STARD9: variants seen among roughly 807,000 people sequenced by gnomAD.
STARD9 encodes StAR related lipid transfer domain containing 9, also known as stAR-related lipid transfer protein 9.
In STARD9, 346 loss-of-function variants were observed where a neutral mutation model predicts 399.8. That is an observed-to-expected ratio of 0.87 (90% CI 0.79 to 0.95). The LOEUF is 0.95. Ranked by LOEUF, STARD9 falls within the 40% of genes least tolerant of loss-of-function variation. The pLI is 0.00. For missense variants in STARD9, 5,832 were observed against 5,667.5 expected (o/e 1.03, Z -0.93); for synonymous variants, 2,203 against 2,143.5 (o/e 1.03, Z -0.77).
rs1420239152 is a variant in STARD9 at position 42,583,320 on chromosome 15, C to G, written c.48-26C>G. 2.6e-6 allele frequency: 4 copies of G among 1,514,940 alleles called. No individual in the cohort carries two copies. The East Asian group carries it at 9.8e-5, about 37-fold the overall frequency. The allele number at this position is 1,514,940 out of a possible 1,614,324, so 93.8% of individuals were successfully genotyped here. ...TTTCTTGATTTTAAAAACAACATTT[C>G]TTCTGAGCTTGGGTCTTGTTTCTAG... On this transcript the variant is annotated intron_variant, in intron 1 of 32. Coordinates refer to ENST00000290607, the MANE Select transcript of STARD9 (RefSeq NM_020759.3).
intron 7 of STARD9, among the ~76,000 whole-genome samples, chr15:42,643,969 C>T (rs1438773032): frequency 6.6e-6 from 1 of 151,922 alleles, no homozygotes; most frequent in Non-Finnish European, 1.5e-5. Flanking sequence ...TTATAGGTAT[C>T]TAGTTTAATA....
Position 42,689,660 on chromosome 15 carries a change from T to A in STARD9, c.8082T>A (p.Cys2694Ter), listed in dbSNP as rs1239221751. Residue 2694 changes from cysteine (C) to a stop codon, truncating the protein, a stop_gained, in exon 23 of 33, where the codon TGT becomes TGA. Transcript: ENST00000290607. LOFTEE classifies it high-confidence loss of function. ...QFAGASEPFI[C>*]HSSSSEIIEK... The stretch of plus-strand genomic sequence containing the variant: ...CGGGAGCAAGTGAACCATTTATATG[T>A]CACTCTAGTTCTTCTGAAATCATAG... The A allele has an allele frequency of 6.5e-6, 10 of 1,537,750 alleles. No individual in the cohort carries two copies. The highest frequency in any genetic ancestry group is 1.4e-5 in the African/African-American group (1 of 73,170).
At chr15:42,653,628 A>C (rs1036330311) in intron 9 of STARD9, among the ~76,000 whole-genome samples, 1 of 152,046 alleles carries the variant, frequency 6.6e-6, no homozygotes, top group African/African-American at 2.4e-5. Context: ...GATAATATAA[A>C]AAACTGGCAA....
chr15:42,652,268 G>A (rs544858214), intron 8 of STARD9, among the ~76,000 whole-genome samples: 2 of 142,858 alleles, frequency 1.4e-5, no homozygotes, highest in Non-Finnish European at 2.9e-5. Flanking sequence ...TGCTTCTATT[G>A]CTTAAAAAAA....
chr15:42,660,276 C>T (rs2059968019), intron 9 of STARD9, among the ~76,000 whole-genome samples: 1 of 152,136 alleles, frequency 6.6e-6, no homozygotes, highest in Non-Finnish European at 1.5e-5. Flanking sequence ...ATGATATTAA[C>T]AATTTCTGGT....
chr15:42,604,677 C>T (rs1351391985), intron 3 of STARD9, among the ~76,000 whole-genome samples: 3 of 136,306 alleles, frequency 2.2e-5, no homozygotes, highest in Non-Finnish European at 3.1e-5. Flanking sequence ...CTCTCTCTGT[C>T]CCCCAGGCTG....
intron 16 of STARD9, chr15:42,669,566 C>T: frequency 2.5e-6 from 1 of 393,860 alleles, no homozygotes; most frequent in South Asian, 8.2e-5. Context: ...TTTTCAACTG[C>T]TGCTACTGTT....
At chr15:42,602,106 C>T (rs561962756) in intron 3 of STARD9, among the ~76,000 whole-genome samples, 1 of 152,314 alleles carries the variant, frequency 6.6e-6, no homozygotes, top group African/African-American at 2.4e-5. Context: ...ACCTCAGCCT[C>T]CCAAAGTGAT....
chr15:42,686,537 C>A lies in STARD9; in HGVS notation c.4959C>A (p.Asn1653Lys). 1.3e-6 allele frequency: 2 copies of A among 1,537,544 alleles called. No individual in the cohort carries two copies. Among genetic ancestry groups the A allele is most frequent in the South Asian group, 1.2e-5 (1 of 84,054 alleles). ...CTGATGAGGATTTTTTCCAGAAGAA[C>A]GCTTGTCACAGTAATGTCACTACAG... ...TSSDEDFFQK[N>K]ACHSNVTTAT... Residue 1653 changes from asparagine (N) to lysine (K), a missense_variant, in exon 23 of 33, where the codon AAC becomes AAA. This residue lies in a region of STARD9 where 5,828 missense variants were observed against 5,651.1 expected (regional missense o/e 1.03). Transcript: ENST00000290607.
chr15:42,592,743 C>CTATATTTTTAATGTAGTCAA (rs2058426626), intron 3 of STARD9, among the ~76,000 whole-genome samples: 1 of 152,190 alleles, frequency 6.6e-6, no homozygotes, highest in African/African-American at 2.4e-5. Flanking sequence ...CACACCCAGC[C>CTATATTTTTAATGTAGTCAA]AGCTTTCCAT....
Position 42,691,324 on chromosome 15 carries a change from G to A in STARD9, c.9746G>A (p.Arg3249Lys), listed in dbSNP as rs1287551917. 3.9e-6 allele frequency: 6 copies of A among 1,537,146 alleles called. No individual in the cohort carries two copies. In the African/African-American group the frequency reaches 8.2e-5, roughly 21 times the overall value. ...LDGCQILDAG[R>K]EEVAVAKPPV... is the part of the protein sequence containing the mutation. Reference sequence around the variant, plus strand: ...GGCTGTCAGATTTTAGATGCTGGGAGAGAGGAGGTGGCTGTGGCCAAGCCT... The same window carrying A: ...GGCTGTCAGATTTTAGATGCTGGGAAAGAGGAGGTGGCTGTGGCCAAGCCT... The change falls in exon 23 of 33, where the codon AGA becomes AAA. Residue 3249 changes from arginine (R) to lysine (K), a missense_variant. Arg to Lys is a conservative substitution (Grantham distance 26). Coordinates refer to ENST00000290607, the MANE Select transcript of STARD9 (RefSeq NM_020759.3).
intron 1 of STARD9, among the ~76,000 whole-genome samples, chr15:42,578,310 C>T (rs1188972110): frequency 1.3e-5 from 2 of 151,990 alleles, no homozygotes; most frequent in African/African-American, 4.8e-5. Context: ...GGGGTTTCAC[C>T]ATGTTGGCCA....
At position 42,601,728 on chromosome 15, in the gene STARD9, G is replaced by A. The variant is rs569397828; in HGVS notation, c.234+16091G>A. ...TCTTTATTTCACCTATCAGTGCAAA[G>A]ATGGACAGTGTGTTTGATTTATATT... On this transcript the variant is annotated intron_variant, in intron 3 of 32. Coordinates refer to ENST00000290607, the MANE Select transcript of STARD9 (RefSeq NM_020759.3). Among the ~76,000 whole-genome samples the A allele has an allele frequency of 7.2e-4, 110 of 152,368 alleles. 1 individual carries two copies. Among genetic ancestry groups the A allele is most frequent in the African/African-American group, 2.6e-3 (107 of 41,598 alleles).
In STARD9 at chr15:42,583,381, T is replaced by C; in HGVS notation, c.83T>C (p.Val28Ala). 1.3e-5 allele frequency: 20 copies of C among 1,537,302 alleles called. No homozygotes were observed. Among genetic ancestry groups the C allele is most frequent in the Non-Finnish European group, 1.7e-5 (20 of 1,146,860 alleles). Reference protein sequence around the residue: ...TKEGGRIIVEVDGKVAKIRNL... With the variant: ...TKEGGRIIVEADGKVAKIRNL... Reference sequence around the variant, plus strand: ...GAAGGGGGAAGAATTATTGTGGAAGTTGATGGCAAAGTGGCAAAAATCAGG... The same window carrying C: ...GAAGGGGGAAGAATTATTGTGGAAGCTGATGGCAAAGTGGCAAAAATCAGG... The change falls in exon 2 of 33, where the codon GTT becomes GCT. Residue 28 changes from valine (V) to alanine (A), a missense_variant. This residue lies in a region of STARD9 where 5,828 missense variants were observed against 5,651.1 expected (regional missense o/e 1.03). Coordinates refer to ENST00000290607, the MANE Select transcript of STARD9 (RefSeq NM_020759.3).
At chr15:42,578,197 G>A (rs1004729706) in intron 1 of STARD9, among the ~76,000 whole-genome samples, 7 of 150,810 alleles carry the variant, frequency 4.6e-5, no homozygotes, top group Middle Eastern at 3.4e-3. Flanking sequence ...TGAAACCTCC[G>A]CCTCCTGGGT....
intron 3 of STARD9, among the ~76,000 whole-genome samples, chr15:42,589,670 G>T (rs375435363): frequency 6.6e-6 from 1 of 151,130 alleles, no homozygotes; most frequent in African/African-American, 2.4e-5. Context: ...GCAGTGGTGC[G>T]ATCATGGCTC....
rs1286465833 is a variant in STARD9 at position 42,663,391 on chromosome 15, C to G, written c.979C>G (p.Pro327Ala). 6.5e-7 allele frequency: 1 copy of G among 1,537,272 alleles called. No homozygotes were observed. The highest frequency in any genetic ancestry group is 2.4e-5 in the East Asian group (1 of 40,918). Reference sequence around the variant, plus strand: ...TTCTGGGACCAGCAGTGGAGGGGCACCCTCCCGAAGGCAGTCTTATATCCC... The same window carrying G: ...TTCTGGGACCAGCAGTGGAGGGGCAGCCTCCCGAAGGCAGTCTTATATCCC... The part of the protein sequence containing the change: ...SPSGTSSGGA[P>A]SRRQSYIPYR... Residue 327 changes from proline to alanine, a missense_variant, in exon 12 of 33, where the codon CCC becomes GCC. This residue lies in a region of STARD9 where 5,828 missense variants were observed against 5,651.1 expected (regional missense o/e 1.03). Transcript: ENST00000290607.
intron 7 of STARD9, among the ~76,000 whole-genome samples, chr15:42,639,118 AAGAGCTT>A (rs1270466241): frequency 1.3e-5 from 2 of 152,226 alleles, no homozygotes; most frequent in Non-Finnish European, 2.9e-5. Context: ...GGTGATCAGG[AAGAGCTT>A]CTCTGAGGAG....
At chr15:42,620,611 A>G (rs116205969) in intron 3 of STARD9, among the ~76,000 whole-genome samples, 2,196 of 152,262 alleles carry the variant, frequency 0.014, 62 homozygotes, top group African/African-American at 0.051. Context: ...CACTTGTTGC[A>G]TTTAGTTATC....
Sources: gnomAD v4.1 joint callset for allele counts (sites outside exome capture counted in the v4.1 genomes callset) on GRCh38, gnomAD v4.1.1 for gene constraint, gnomAD v4.1.1 regional missense constraint, MANE v1.5 for transcripts, NCBI Gene and HGNC (gene_info 2026-07-23, HGNC 2026-07-21) for gene names.